RBFOX1: variants seen among roughly 807,000 people sequenced by gnomAD.
RBFOX1 encodes the protein RNA binding protein fox-1 homolog 1.
A neutral mutation model predicts 57.7 loss-of-function variants in RBFOX1; 8 were observed. The ratio of observed to expected loss-of-function variants is 0.14; its 90% confidence interval spans 0.08 to 0.25. The LOEUF (loss-of-function observed/expected upper bound fraction) is 0.25. RBFOX1 is among the 10% of genes least tolerant of loss of function. The probability of loss-of-function intolerance (pLI) is 1.00; values close to 1 mark genes in which losing one functional copy is unlikely to be tolerated. For synonymous variants in RBFOX1, 326 were observed against 222.4 expected, an observed-to-expected ratio of 1.47 and a Z score of -4.15; for missense variants, 611 against 548.5, an observed-to-expected ratio of 1.11 and a Z score of -1.14.
intron 1 of RBFOX1, among the ~76,000 whole-genome samples, chr16:5,276,385 A>T (rs533964546): frequency 7.4e-4 from 112 of 152,372 alleles, no homozygotes; most frequent in African/African-American, 2.5e-3. Context: ...GGCAGTTCCC[A>T]AAAGAAGATA....
chr16:6,360,337 G>A (rs968753041), intron 2 of RBFOX1, among the ~76,000 whole-genome samples: 6 of 151,892 alleles, frequency 4.0e-5, no homozygotes, highest in Admixed American at 3.9e-4. Flanking sequence ...ACTGTTATTG[G>A]CTATATATTT....
At chr16:6,094,365 G>A (rs998390497) in intron 1 of RBFOX1, among the ~76,000 whole-genome samples, 1 of 152,146 alleles carries the variant, frequency 6.6e-6, no homozygotes, top group Non-Finnish European at 1.5e-5. Context: ...GCACTTCTCA[G>A]CAACAAGGAG....
At chr16:6,531,525 T>C (rs1181412099) in intron 2 of RBFOX1, among the ~76,000 whole-genome samples, 1 of 152,220 alleles carries the variant, frequency 6.6e-6, no homozygotes, top group Non-Finnish European at 1.5e-5. Context: ...CTTTTCATAG[T>C]TTTTAATTTT....
intron 4 of RBFOX1, among the ~76,000 whole-genome samples, chr16:5,979,066 C>A (rs972197757): frequency 2.4e-4 from 36 of 152,360 alleles, no homozygotes; most frequent in African/African-American, 8.4e-4. Context: ...AATGGTTTAA[C>A]TGAAACTGGG....
intron 4 of RBFOX1, among the ~76,000 whole-genome samples, chr16:7,210,523 A>G (rs1156571582): frequency 2.6e-5 from 4 of 152,224 alleles, no homozygotes; most frequent in Non-Finnish European, 5.9e-5. Flanking sequence ...CTTCACAGCA[A>G]TACCTAAATT....
chr16:5,245,472 G>C (rs1368301953), intron 1 of RBFOX1, among the ~76,000 whole-genome samples: 2 of 152,214 alleles, frequency 1.3e-5, no homozygotes, highest in Admixed American at 1.3e-4. Flanking sequence ...GACTGCGATT[G>C]CCTGGGATGA....
At chr16:6,643,998 C>T (rs1238315084) in intron 2 of RBFOX1, among the ~76,000 whole-genome samples, 1 of 152,120 alleles carries the variant, frequency 6.6e-6, no homozygotes, top group Non-Finnish European at 1.5e-5. Flanking sequence ...TGGTAGCATG[C>T]ACCTGTAATC....
intron 3 of RBFOX1, among the ~76,000 whole-genome samples, chr16:5,607,124 G>C (rs1474001026): frequency 6.6e-6 from 1 of 152,162 alleles, no homozygotes; most frequent in African/African-American, 2.4e-5. Context: ...GAGCAGAGGG[G>C]TCACCAGCTC....
chr16:6,834,987 G>A (rs1399766692), intron 3 of RBFOX1, among the ~76,000 whole-genome samples: 1 of 151,290 alleles, frequency 6.6e-6, no homozygotes, highest in Non-Finnish European at 1.5e-5. Flanking sequence ...TCATCTCCCA[G>A]GTTCACGCCA....
At position 5,766,889 on chromosome 16, in the gene RBFOX1, G is replaced by C. The variant is rs550069023; in HGVS notation, c.319-100414G>C. ...TCACTGAGGAGTCACTGTTTGCAAA[G>C]TCCTCTCATTTTTAAACCTCTACTT... On this transcript the variant is annotated intron_variant, in intron 3 of 19. Coordinates refer to the RBFOX1 transcript ENST00000641259. 9.8e-5 allele frequency among the ~76,000 whole-genome samples: 15 copies of C among 152,294 alleles called. 1 individual carries two copies. The Middle Eastern group carries it at 0.01, about 104-fold the overall frequency.
At chr16:6,644,972 C>G (rs930954304) in intron 2 of RBFOX1, among the ~76,000 whole-genome samples, 1 of 152,142 alleles carries the variant, frequency 6.6e-6, no homozygotes, top group Non-Finnish European at 1.5e-5. Context: ...GTGCTTAAAA[C>G]AACTGAAATA....
chr16:6,997,585 C>T lies in RBFOX1; in HGVS notation c.-15-54472C>T, dbSNP rs1038767700. ...ATTGCACAGCCAGAAATTTAAGATA[C>T]AAAAGATAGACTGCGTTTTGCAAAC... On this transcript the variant is annotated intron_variant, in intron 3 of 15. Transcript: ENST00000550418. Among the ~76,000 whole-genome samples, 2 of 152,114 alleles carry T rather than the reference C, an allele frequency of 1.3e-5. 1 individual carries two copies. The highest frequency in any genetic ancestry group is 1.3e-4 in the Admixed American group (2 of 15,268).
At chr16:5,370,123 C>G (rs2065820065) in intron 1 of RBFOX1, among the ~76,000 whole-genome samples, 1 of 152,128 alleles carries the variant, frequency 6.6e-6, no homozygotes, top group Non-Finnish European at 1.5e-5. Context: ...AATACCTGCT[C>G]TTGTGCATGT....
At chr16:6,563,675 C>G (rs1006859015) in intron 2 of RBFOX1, among the ~76,000 whole-genome samples, 13 of 152,026 alleles carry the variant, frequency 8.6e-5, no homozygotes, top group Non-Finnish European at 1.8e-4. Flanking sequence ...AAAAGCTCAT[C>G]TCTACAAAAA....
At chr16:5,636,587 G>C (rs2048693462) in intron 3 of RBFOX1, among the ~76,000 whole-genome samples, 1 of 152,062 alleles carries the variant, frequency 6.6e-6, no homozygotes, top group Non-Finnish European at 1.5e-5. Flanking sequence ...AGATTTTATT[G>C]GCTCATGAAC....
chr16:6,484,805 G>A (rs377007013), intron 2 of RBFOX1, among the ~76,000 whole-genome samples: 38 of 152,302 alleles, frequency 2.5e-4, no homozygotes, highest in African/African-American at 7.5e-4. Context: ...TTTGCTAAAA[G>A]AGTCACTTTC....
intron 3 of RBFOX1, among the ~76,000 whole-genome samples, chr16:6,701,938 C>G (rs898825844): frequency 6.6e-6 from 1 of 152,030 alleles, no homozygotes; most frequent in Non-Finnish European, 1.5e-5. Context: ...ACACCGGGGC[C>G]TGCTTGAGGA....
At chr16:7,275,593 C>T (rs1174903889) in intron 4 of RBFOX1, among the ~76,000 whole-genome samples, 1 of 152,192 alleles carries the variant, frequency 6.6e-6, no homozygotes, top group Admixed American at 6.5e-5. Flanking sequence ...TTCTGGAAAG[C>T]CTGCTAATTT....
intron 1 of RBFOX1, among the ~76,000 whole-genome samples, chr16:5,351,151 G>T (rs1236794245): frequency 6.6e-6 from 1 of 152,124 alleles, no homozygotes. Context: ...GCCCATGATG[G>T]GAGTCAGACT....
Sources: gnomAD v4.1 joint callset for allele counts (sites outside exome capture counted in the v4.1 genomes callset) on GRCh38, gnomAD v4.1.1 for gene constraint, MANE v1.5 for transcripts, NCBI Gene and HGNC (gene_info 2026-07-23, HGNC 2026-07-21) for gene names.